Variants in USP10 observed in about 807,000 individuals in gnomAD.
USP10 encodes ubiquitin carboxyl-terminal hydrolase 10.
In USP10, 22 loss-of-function variants were observed where a neutral mutation model predicts 84.5. The ratio of observed to expected loss-of-function variants is 0.26; its 90% CI spans 0.19 to 0.37. The LOEUF is 0.37. Among genes scored for constraint, USP10 ranks in the 10% least tolerant of loss-of-function variants. The pLI is 1.00. For missense variants in USP10, 1,019 were observed against 998.9 expected (o/e 1.02, Z -0.27); for synonymous variants, 454 against 387.6 (o/e 1.17, Z -2.01).
intron 11 of USP10, among the ~76,000 whole-genome samples, chr16:84,770,557 G>C (rs1311389605): frequency 6.6e-6 from 1 of 152,062 alleles, no homozygotes; most frequent in Non-Finnish European, 1.5e-5. Context: ...TGGATCACGA[G>C]GTCAGGAGAT....
rs367550397 is a variant in USP10, at chr16:84,760,163, C to G, written c.1451-9C>G. 10 of 1,598,160 alleles carry G rather than the reference C, an allele frequency of 6.3e-6. No homozygotes were observed. The African/African-American group carries it at 1.2e-4, about 19-fold the overall frequency. On this transcript the variant is annotated splice_polypyrimidine_tract_variant and intron_variant, in intron 7 of 13. Coordinates refer to ENST00000219473, the MANE Select transcript of USP10 (RefSeq NM_005153.3). ...AGTTAGGAAAACCTGTGTCCTCTTT[C>G]CATTGCAGCTCTTGGAGATAAAATC... is the stretch of plus-strand genomic sequence containing the variant.
intron 1 of USP10, among the ~76,000 whole-genome samples, chr16:84,731,621 CA>C (rs1166161167): frequency 3.2e-4 from 48 of 152,170 alleles, no homozygotes; most frequent in Non-Finnish European, 6.3e-4. Flanking sequence ...ATTCTAGGAA[CA>C]AAATCCTTTT....
At chr16:84,765,451 C>G (rs1405069746) in intron 10 of USP10, among the ~76,000 whole-genome samples, 6 of 150,646 alleles carry the variant, frequency 4.0e-5, no homozygotes, top group Admixed American at 1.3e-4. Context: ...AGGAACCACT[C>G]TTTTCCCTAT....
intron 1 of USP10, among the ~76,000 whole-genome samples, chr16:84,720,649 T>C (rs1907670022): frequency 7.1e-6 from 1 of 140,242 alleles, no homozygotes; most frequent in Non-Finnish European, 1.5e-5. Context: ...TGGTGCGATC[T>C]TGCCTTACTG....
Position 84,745,266 on chromosome 16 carries a change from A to G in USP10, c.785A>G (p.Asp262Gly). The G allele has an allele frequency of 6.2e-7, 1 of 1,613,466 alleles. No individual in the cohort carries two copies. The highest frequency in any genetic ancestry group is 1.3e-5 in the African/African-American group (1 of 75,046). The change falls in exon 4 of 14, where the codon GAC becomes GGC. Residue 262 changes from aspartate (D) to glycine (G), a missense_variant. Transcript: ENST00000219473. Reference sequence around the variant, plus strand: ...TGCTTCCCTGCAGAGGCTGGCAGAGACACCCTGTCAAGGACAGCTGGGGCT... The same window carrying G: ...TGCTTCCCTGCAGAGGCTGGCAGAGGCACCCTGTCAAGGACAGCTGGGGCT... ...QSCFPAEAGR[D>G]TLSRTAGAQP...
chr16:84,726,723 A>T (rs1428096795), intron 1 of USP10, among the ~76,000 whole-genome samples: 1 of 152,134 alleles, frequency 6.6e-6, no homozygotes, highest in Non-Finnish European at 1.5e-5. Flanking sequence ...ATATGAGGGG[A>T]AGTGGTGGAG....
At chr16:84,771,358 C>T (rs896511447) in intron 11 of USP10, among the ~76,000 whole-genome samples, 2 of 152,058 alleles carry the variant, frequency 1.3e-5, no homozygotes, top group African/African-American at 4.8e-5. Context: ...TCAAGACCAG[C>T]TGGGCTCATG....
chr16:84,750,079 G>T lies in USP10; in HGVS notation c.1192+4406G>T, dbSNP rs376809667. The stretch of plus-strand genomic sequence containing the variant: ...TGTTTCAGTGACTGGTCTGAGAGGA[G>T]ATGGTTGCCATTTATCAGTAGGAGT... On this transcript the variant is annotated intron_variant, in intron 4 of 13. Transcript: ENST00000219473. Among the ~76,000 whole-genome samples the T allele has an allele frequency of 5.9e-5, 9 of 152,224 alleles. 1 individual carries two copies. The highest frequency in any genetic ancestry group is 5.2e-4 in the Admixed American group (8 of 15,280).
At chr16:84,710,598 C>T (rs1396701558) in intron 1 of USP10, among the ~76,000 whole-genome samples, 1 of 152,100 alleles carries the variant, frequency 6.6e-6, no homozygotes, top group Non-Finnish European at 1.5e-5. Context: ...AGCATCTGTC[C>T]CTTGATTATA....
At chr16:84,773,914 A>G (rs944420617) in intron 12 of USP10, among the ~76,000 whole-genome samples, 2 of 152,050 alleles carry the variant, frequency 1.3e-5, no homozygotes, top group African/African-American at 4.8e-5. Context: ...TGCTTGCTGT[A>G]TTTTTATATC....
chr16:84,748,357 G>T (rs899018983), intron 4 of USP10, among the ~76,000 whole-genome samples: 13 of 151,930 alleles, frequency 8.6e-5, no homozygotes, highest in Admixed American at 7.2e-4. Context: ...AGGCCGGAAT[G>T]CAGTGGCGCA....
At chr16:84,713,442 C>T (rs1220642178) in intron 1 of USP10, among the ~76,000 whole-genome samples, 2 of 152,102 alleles carry the variant, frequency 1.3e-5, no homozygotes, top group Non-Finnish European at 2.9e-5. Context: ...CAGAGCACTT[C>T]ACACCTAATA....
intron 4 of USP10, among the ~76,000 whole-genome samples, chr16:84,752,601 G>T (rs564487937): frequency 6.6e-6 from 1 of 152,348 alleles, no homozygotes; most frequent in East Asian, 1.9e-4. Flanking sequence ...TAGAAATTTG[G>T]AAGTGGTATT....
intron 4 of USP10, among the ~76,000 whole-genome samples, chr16:84,748,705 C>T (rs1223006783): frequency 6.6e-6 from 1 of 152,188 alleles, no homozygotes; most frequent in Non-Finnish European, 1.5e-5. Context: ...AGAAAAGCTT[C>T]ATTTAAAATG....
At chr16:84,770,199 G>A (rs995316041) in intron 11 of USP10, among the ~76,000 whole-genome samples, 2 of 152,298 alleles carry the variant, frequency 1.3e-5, no homozygotes, top group East Asian at 1.9e-4. Flanking sequence ...CTGGGTGCGT[G>A]GTTGTGGTGG....
chr16:84,711,534 G>A (rs537677878), intron 1 of USP10, among the ~76,000 whole-genome samples: 2 of 152,222 alleles, frequency 1.3e-5, no homozygotes, highest in Admixed American at 6.5e-5. Flanking sequence ...TCATGGATTC[G>A]TCAGGTGAGG....
chr16:84,745,970 G>C (rs1911180181), intron 4 of USP10, among the ~76,000 whole-genome samples: 1 of 152,264 alleles, frequency 6.6e-6, no homozygotes. Context: ...CTGCTCCACG[G>C]TATGAATGTA....
intron 1 of USP10, among the ~76,000 whole-genome samples, chr16:84,730,747 T>A (rs1392723827): frequency 6.6e-6 from 1 of 152,212 alleles, no homozygotes; most frequent in African/African-American, 2.4e-5. Context: ...CTAAAAACTT[T>A]AGGCTGTATA....
chr16:84,728,294 T>C (rs922447019), intron 1 of USP10, among the ~76,000 whole-genome samples: 2 of 152,170 alleles, frequency 1.3e-5, no homozygotes, highest in Non-Finnish European at 2.9e-5. Flanking sequence ...GTATTTGCTA[T>C]AAATATATTG....
Sources: gnomAD v4.1 joint callset for allele counts (sites outside exome capture counted in the v4.1 genomes callset) on GRCh38, gnomAD v4.1.1 for gene constraint, MANE v1.5 for transcripts, NCBI Gene and HGNC (gene_info 2026-07-23, HGNC 2026-07-21) for gene names.